The following ASTN2 variants were observed in gnomAD, a reference collection of about 807,000 sequenced individuals.
ASTN2 encodes astrotactin 2, also known as astrotactin-2.
ASTN2 carries 54 observed loss-of-function variants against 139.8 expected under a neutral mutation model. The ratio of observed to expected loss-of-function variants is 0.39; its 90% CI spans 0.31 to 0.48. The LOEUF (loss-of-function observed/expected upper bound fraction) is 0.48. ASTN2 is among the 20% of genes least tolerant of loss of function. ASTN2 has a pLI of 0.95. For synonymous variants in ASTN2, 756 were observed against 719.5 expected (o/e 1.05, Z -0.81); for missense variants, 1,565 against 1,725.1 (o/e 0.91, Z 1.64).
chr9:116,485,819 G>A (rs569237331), intron 20 of ASTN2, among the ~76,000 whole-genome samples: 11 of 152,302 alleles, frequency 7.2e-5, no homozygotes, highest in Non-Finnish European at 1.6e-4. Context: ...AGACTCAATT[G>A]CCAGCTTTTG....
At chr9:116,657,544 C>T (rs976206683) in intron 16 of ASTN2, among the ~76,000 whole-genome samples, 2 of 152,134 alleles carry the variant, frequency 1.3e-5, no homozygotes, top group Non-Finnish European at 2.9e-5. Flanking sequence ...AGAACAAAGA[C>T]ATAAAAAGAG....
At chr9:116,916,990 G>T (rs764249149) in intron 10 of ASTN2, among the ~76,000 whole-genome samples, 4 of 151,830 alleles carry the variant, frequency 2.6e-5, no homozygotes, top group Non-Finnish European at 4.4e-5. Flanking sequence ...CCTCTATGGA[G>T]ATTTTTTTTT....
chr9:116,797,426 C>G (rs2132232155), intron 13 of ASTN2, among the ~76,000 whole-genome samples: 1 of 152,142 alleles, frequency 6.6e-6, no homozygotes, highest in African/African-American at 2.4e-5. Flanking sequence ...GCAACCAGTT[C>G]AGGAGTCAGA....
chr9:117,286,799 T>C (rs2130776528), intron 2 of ASTN2, among the ~76,000 whole-genome samples: 1 of 152,280 alleles, frequency 6.6e-6, no homozygotes, highest in African/African-American at 2.4e-5. Flanking sequence ...GCACCTGGAG[T>C]GAATACTCTA....
intron 1 of ASTN2, among the ~76,000 whole-genome samples, chr9:117,371,529 C>A (rs1829990363): frequency 6.6e-6 from 1 of 152,066 alleles, no homozygotes; most frequent in Non-Finnish European, 1.5e-5. Flanking sequence ...AACTTAGGAG[C>A]TGGATAACGT....
intron 2 of ASTN2, among the ~76,000 whole-genome samples, chr9:117,260,136 G>A (rs1053285377): frequency 8.6e-5 from 13 of 151,918 alleles, no homozygotes; most frequent in Non-Finnish European, 1.3e-4. Context: ...ACAGCCTAAC[G>A]TTGCCCCTAA....
chr9:117,187,037 G>A (rs576314847), intron 3 of ASTN2, among the ~76,000 whole-genome samples: 1 of 152,166 alleles, frequency 6.6e-6, no homozygotes, highest in African/African-American at 2.4e-5. Context: ...GCTGAGGCAG[G>A]AGAAACTCTT....
Position 116,440,598 on chromosome 9 carries a change from T to TA in ASTN2, c.3782+10dup. The TA allele has an allele frequency of 6.2e-7, 1 of 1,612,016 alleles. No individual in the cohort carries two copies. The highest frequency in any genetic ancestry group is 8.5e-7 in the Non-Finnish European group (1 of 1,179,584). ...GAATATGCCCCTCCAATCACACAAA[T>TA]ACGCCCATACCTGGGCCCCAGCTCA... is the stretch of plus-strand genomic sequence containing the variant. On this transcript the variant is annotated intron_variant, in intron 22 of 22. Coordinates refer to ENST00000313400, the MANE Select transcript of ASTN2 (RefSeq NM_001365068.1).
chr9:117,093,855 T>C (rs551811754), intron 5 of ASTN2, among the ~76,000 whole-genome samples: 1 of 152,256 alleles, frequency 6.6e-6, no homozygotes, highest in Non-Finnish European at 1.5e-5. Context: ...GCAAAAAGCG[T>C]AGGGTAATTC....
intron 13 of ASTN2, among the ~76,000 whole-genome samples, chr9:116,774,972 G>T (rs1830042860): frequency 6.6e-6 from 1 of 152,168 alleles, no homozygotes; most frequent in South Asian, 2.1e-4. Context: ...TAGCTGTTTG[G>T]TCTGGAGACA....
At chr9:116,703,815 G>T (rs941117644) in intron 16 of ASTN2, among the ~76,000 whole-genome samples, 3 of 151,914 alleles carry the variant, frequency 2.0e-5, no homozygotes, top group African/African-American at 7.3e-5. Flanking sequence ...TCTCCACCCT[G>T]CACTTGACTA....
chr9:116,695,299 T>G (rs1279573559), intron 16 of ASTN2, among the ~76,000 whole-genome samples: 1 of 152,172 alleles, frequency 6.6e-6, no homozygotes, highest in Non-Finnish European at 1.5e-5. Context: ...TAAAAGAGAT[T>G]AAGCATATAA....
intron 4 of ASTN2, among the ~76,000 whole-genome samples, chr9:117,137,237 G>A (rs951957022): frequency 2.0e-5 from 3 of 152,168 alleles, no homozygotes; most frequent in African/African-American, 7.2e-5. Flanking sequence ...AGAAGGCATA[G>A]CTACAAAAAT....
chr9:116,941,989 TAAA>T (rs34288493), intron 10 of ASTN2, among the ~76,000 whole-genome samples: 12 of 136,142 alleles, frequency 8.8e-5, no homozygotes, highest in East Asian at 2.1e-4. Context: ...CTAGATAAGC[TAAA>T]AAAAAAAAAA....
chr9:117,372,839 A>C (rs994902052), intron 1 of ASTN2, among the ~76,000 whole-genome samples: 6 of 152,148 alleles, frequency 3.9e-5, no homozygotes, highest in African/African-American at 1.4e-4. Flanking sequence ...CAAATTCCTC[A>C]AGCAGATTCT....
At chr9:116,446,908 C>T (rs535221202) in intron 20 of ASTN2, among the ~76,000 whole-genome samples, 125 of 152,274 alleles carry the variant, frequency 8.2e-4, no homozygotes, top group Non-Finnish European at 1.6e-3. Context: ...AAGTATTTTT[C>T]AATATTTCTT....
intron 19 of ASTN2, among the ~76,000 whole-genome samples, chr9:116,498,899 C>T (rs1364512894): frequency 6.6e-6 from 1 of 152,156 alleles, no homozygotes; most frequent in African/African-American, 2.4e-5. Context: ...AATACACTAA[C>T]TCACTTCACA....
chr9:116,555,120 T>C (rs1765750784), intron 19 of ASTN2, among the ~76,000 whole-genome samples: 1 of 152,238 alleles, frequency 6.6e-6, no homozygotes, highest in African/African-American at 2.4e-5. Context: ...AACTATTATC[T>C]TTAATTGGTG....
chr9:117,019,841 C>G (rs10817978), intron 6 of ASTN2, among the ~76,000 whole-genome samples: 46,075 of 152,032 alleles, frequency 0.3, 7,302 homozygotes, highest in Admixed American at 0.38. Context: ...CTTGCGGATT[C>G]TCTTCTGTAA....
Sources: allele counts gnomAD v4.1 joint callset (sites outside exome capture counted in the v4.1 genomes callset), GRCh38; gene constraint gnomAD v4.1.1; transcripts MANE v1.5; gene names NCBI Gene and HGNC (gene_info 2026-07-23, HGNC 2026-07-21).